Variants in NFIB observed in about 807,000 individuals in gnomAD.
NFIB encodes the protein nuclear factor 1 B-type.
NFIB carries 11 observed loss-of-function variants against 61.5 expected under a neutral mutation model. That is an observed-to-expected ratio of 0.18 (90% CI 0.11 to 0.30). The LOEUF is 0.30. NFIB is among the 10% of genes least tolerant of loss of function. The probability of loss-of-function intolerance (pLI) is 1.00; values close to 1 mark genes in which losing one functional copy is unlikely to be tolerated. For synonymous variants in NFIB, 260 were observed against 216.5 expected (o/e 1.20, Z -1.76); for missense variants, 471 against 608.9 (o/e 0.77, Z 2.38).
At chr9:14,376,882 T>C (rs1453196919) in intron 1 of NFIB, among the ~76,000 whole-genome samples, 1 of 152,224 alleles carries the variant, frequency 6.6e-6, no homozygotes, top group East Asian at 1.9e-4. Flanking sequence ...CTGTGTCACT[T>C]ACTTTAATCA....
At chr9:14,434,953 C>A in the NFIB span, among the ~76,000 whole-genome samples, 1 of 152,140 alleles carries the variant, frequency 6.6e-6, no homozygotes, top group African/African-American at 2.4e-5. Context: ...GATTGGGTGC[C>A]CACAGCTCTA....
At chr9:14,504,191 T>C in the NFIB span, among the ~76,000 whole-genome samples, 1 of 152,240 alleles carries the variant, frequency 6.6e-6, no homozygotes, top group Non-Finnish European at 1.5e-5. Context: ...TCTATGTGCC[T>C]ATTTTTACAC....
At chr9:14,228,807 T>C (rs1294871702) in intron 2 of NFIB, among the ~76,000 whole-genome samples, 1 of 152,230 alleles carries the variant, frequency 6.6e-6, no homozygotes, top group South Asian at 2.1e-4. Context: ...GTTACTCATG[T>C]GGTTTCTCTT....
At chr9:14,237,937 T>G (rs1210655213) in intron 2 of NFIB, among the ~76,000 whole-genome samples, 1 of 149,714 alleles carries the variant, frequency 6.7e-6, no homozygotes, top group Non-Finnish European at 1.5e-5. Flanking sequence ...ATTATCAAAG[T>G]CCTAACCCAC....
chr9:14,305,973 G>A, intron 2 of NFIB: 8 of 1,349,102 alleles, frequency 5.9e-6, no homozygotes, highest in Non-Finnish European at 7.8e-6. Flanking sequence ...GTAATGCAAG[G>A]ACATCTATAT....
the NFIB span, among the ~76,000 whole-genome samples, chr9:14,511,395 T>G: frequency 6.6e-6 from 1 of 152,094 alleles, no homozygotes; most frequent in Non-Finnish European, 1.5e-5. Context: ...CAAATTTATG[T>G]TTATATAATT....
At chr9:14,513,496 C>T in the NFIB span, among the ~76,000 whole-genome samples, 2 of 151,782 alleles carry the variant, frequency 1.3e-5, no homozygotes, top group Non-Finnish European at 2.9e-5. Context: ...GGTGTGGTAG[C>T]GCATGCCTGT....
chr9:14,087,795 G>A lies in NFIB; in HGVS notation c.*514C>T, dbSNP rs527508407. 1.4e-5 allele frequency: 3 copies of A among 220,478 alleles called. No individual in the cohort carries two copies. The highest frequency in any genetic ancestry group is 5.8e-5 in the Admixed American group (1 of 17,332). The allele number at this position is 220,478 out of a possible 1,614,324, so 13.7% of individuals were successfully genotyped here. On this transcript the variant is annotated 3_prime_UTR_variant, in exon 11 of 11. Transcript: ENST00000380953. ...CCTCTGACGCCGCCTCCTAGCCTTC[G>A]TTGGTGAGATAACCAGGAATAGTGA... is the stretch of plus-strand genomic sequence containing the variant.
At chr9:14,514,757 T>C in the NFIB span, among the ~76,000 whole-genome samples, 1 of 152,130 alleles carries the variant, frequency 6.6e-6, no homozygotes, top group Non-Finnish European at 1.5e-5. Context: ...AATTCTCAGT[T>C]TGGGTTGCTC....
rs1554681460 is a variant in NFIB at position 14,231,135 on chromosome 9, A to AATATATAT, written c.563-51363_563-51356dup. Among the ~76,000 whole-genome samples the AATATATAT allele has an allele frequency of 2.3e-3, 80 of 35,330 alleles. 1 individual carries two copies. Among genetic ancestry groups the AATATATAT allele is most frequent in the East Asian group, 0.019 (22 of 1,162 alleles). 23.2% of individuals were successfully genotyped at this position (35,330 alleles called of 152,430 possible). On this transcript the variant is annotated intron_variant, in intron 2 of 10. Transcript: ENST00000380953. The stretch of plus-strand genomic sequence containing the variant: ...TTTCCATGGGGAAAAAAAAAAAAAA[A>AATATATAT]ATATATATATATATATATATATATA...
chr9:14,453,202 C>A, the NFIB span, among the ~76,000 whole-genome samples: 2 of 152,230 alleles, frequency 1.3e-5, no homozygotes, highest in Admixed American at 6.5e-5. Flanking sequence ...GAAATGACTC[C>A]CAGCAAAGGA....
intron 2 of NFIB, among the ~76,000 whole-genome samples, chr9:14,262,115 C>A (rs915666535): frequency 6.6e-5 from 10 of 152,134 alleles, no homozygotes; most frequent in Admixed American, 2.0e-4. Flanking sequence ...ATGCACTGCA[C>A]CGGCCCTCAC....
intron 2 of NFIB, among the ~76,000 whole-genome samples, chr9:14,249,435 T>A (rs541766506): frequency 6.6e-6 from 1 of 152,372 alleles, no homozygotes; most frequent in Admixed American, 6.5e-5. Flanking sequence ...TAGCATCATG[T>A]GCCTTTTCAC....
chr9:14,344,011 T>G (rs2060986305), intron 1 of NFIB, among the ~76,000 whole-genome samples: 1 of 150,996 alleles, frequency 6.6e-6, no homozygotes, highest in Non-Finnish European at 1.5e-5. Flanking sequence ...AGGAGGCAGT[T>G]AGGAGATGCT....
chr9:14,421,485 G>A, the NFIB span, among the ~76,000 whole-genome samples: 1 of 152,214 alleles, frequency 6.6e-6, no homozygotes, highest in South Asian at 2.1e-4. Context: ...CCTGGAATTT[G>A]AAGATACTGA....
At chr9:14,531,618 T>C in the NFIB span, among the ~76,000 whole-genome samples, 1 of 151,718 alleles carries the variant, frequency 6.6e-6, no homozygotes, top group East Asian at 1.9e-4. Context: ...AATCCCCTAC[T>C]GACTGCCCCA....
At chr9:14,352,531 C>T (rs993408295) in intron 1 of NFIB, among the ~76,000 whole-genome samples, 11 of 152,222 alleles carry the variant, frequency 7.2e-5, no homozygotes, top group Admixed American at 1.3e-4. Flanking sequence ...ACCACAGGCT[C>T]CCTCAGTGTA....
At chr9:14,483,937 G>A in the NFIB span, among the ~76,000 whole-genome samples, 1 of 152,178 alleles carries the variant, frequency 6.6e-6, no homozygotes, top group South Asian at 2.1e-4. Context: ...AGCTACAACT[G>A]ATGAACTTAA....
At position 14,388,331 on chromosome 9, in the gene NFIB, C is replaced by T. The variant is rs566271602; in HGVS notation, c.108+10193G>A. Among the ~76,000 whole-genome samples the T allele has an allele frequency of 2.7e-3, 290 of 106,198 alleles. 1 individual carries two copies. The highest frequency in any genetic ancestry group is 4.4e-3 in the Non-Finnish European group (220 of 49,576). 69.7% of individuals were successfully genotyped at this position (106,198 alleles called of 152,430 possible). A position where few individuals can be genotyped will look rare whatever the true frequency, so the allele number is the denominator to read the frequency against. ...TTGAGGCTGCAGTCAGCTGTGATGA[C>T]GCCACAGAATGAGACCTTTTCAAAA... On this transcript the variant is annotated intron_variant, in intron 1 of 8. Coordinates refer to the NFIB transcript ENST00000380934.
Sources: gnomAD v4.1 joint callset for allele counts (sites outside exome capture counted in the v4.1 genomes callset) on GRCh38, gnomAD v4.1.1 for gene constraint, MANE v1.5 for transcripts, NCBI Gene and HGNC (gene_info 2026-07-23, HGNC 2026-07-21) for gene names.